CCAR2: variants seen among roughly 807,000 people sequenced by gnomAD.
CCAR2 encodes the protein cell cycle and apoptosis regulator 2.
A neutral mutation model predicts 108.1 loss-of-function variants in CCAR2; 21 were observed. The ratio of observed to expected loss-of-function variants is 0.19; its 90% confidence interval spans 0.14 to 0.28. The LOEUF (loss-of-function observed/expected upper bound fraction) is 0.28. CCAR2 is among the 10% of genes least tolerant of loss of function. The pLI, the probability that CCAR2 is intolerant of heterozygous loss-of-function variation, is 1.00. For synonymous variants in CCAR2, 577 were observed against 472.8 expected (o/e 1.22, Z -2.86); for missense variants, 1,126 against 1,177.0 (o/e 0.96, Z 0.63).
chr8:22,607,154 C>T lies in CCAR2; in HGVS notation c.358-42C>T, dbSNP rs138505183. ...CATCTTTCCAAGGTAGTGAGTGCCT[C>T]AACCATGGGGTCCCCTGAATTTCCT... On this transcript the variant is annotated intron_variant, in intron 5 of 20. Coordinates refer to ENST00000308511, the MANE Select transcript of CCAR2 (RefSeq NM_001393997.1). 1.0e-3 allele frequency: 1,688 copies of T among 1,611,504 alleles called. 15 individuals are homozygous for T. The African/African-American group carries it at 0.021, about 20-fold the overall frequency.
At chr8:22,618,584 G>A in intron 17 of CCAR2, 33 bp from the exon 18 acceptor site, 1 of 1,613,922 alleles carries the variant, frequency 6.2e-7, no homozygotes, top group Middle Eastern at 1.7e-4. Flanking sequence ...GTCGGGGACG[G>A]GGCCTTCTGA....
chr8:22,612,691 GA>G, intron 7 of CCAR2: 1 of 189,994 alleles, frequency 5.3e-6, no homozygotes, highest in Non-Finnish European at 1.1e-5. Context: ...CAGAAAAATA[GA>G]AAATTATTCG....
chr8:22,606,174 C>G lies in CCAR2; in HGVS notation c.148C>G (p.Gln50Glu). 1 of 1,613,318 alleles carries G rather than the reference C, an allele frequency of 6.2e-7. No homozygotes were observed. The highest frequency in any genetic ancestry group is 8.5e-7 in the Non-Finnish European group (1 of 1,179,226). The change falls in exon 3 of 21, where the codon CAG becomes GAG. Residue 50 changes from glutamine to glutamate, a missense_variant and splice_region_variant. Gln to Glu is a conservative substitution (Grantham distance 29). Transcript: ENST00000308511. ...ACTGTCCCAGAATGCCAGGCACCTT[C>G]AGGTAGGTTCGGCATCCCTTGTAGT... ...TELSQNARHL[Q>E]GGEKQRVFTG...
rs201812529 is a variant in CCAR2 at position 22,615,780 on chromosome 8, A to C, written c.1476A>C (p.Glu492Asp). ...AETPEATTQQ[E>D]TDTDLPEAPP... Reference sequence around the variant, plus strand: ...CTCCAGAGGCCACCACACAGCAGGAAACGGACACTGATCTCCCAGAGGCCC... The same window carrying C: ...CTCCAGAGGCCACCACACAGCAGGACACGGACACTGATCTCCCAGAGGCCC... Residue 492 changes from glutamate to aspartate, a missense_variant, in exon 13 of 21, where the codon GAA becomes GAC. Glu to Asp is a conservative substitution (Grantham distance 45). This residue lies in a region of CCAR2 where 1,013 missense variants were observed against 993.9 expected (regional missense o/e 1.02). Transcript: ENST00000308511. 31 of 1,613,854 alleles carry C rather than the reference A, an allele frequency of 1.9e-5. No homozygotes were observed. The highest frequency in any genetic ancestry group is 2.5e-5 in the Non-Finnish European group (29 of 1,180,022).
At position 22,618,352 on chromosome 8, in the gene CCAR2, A is replaced by C; in HGVS notation, c.2077A>C (p.Lys693Gln). 6 of 1,614,202 alleles carry C rather than the reference A, an allele frequency of 3.7e-6. No individual in the cohort carries two copies. Among genetic ancestry groups the C allele is most frequent in the Non-Finnish European group, 4.2e-6 (5 of 1,180,020 alleles). ...MEFSSLQDMP[K>Q]ELDPSAVLPL... ...CTCATCTTTGTTTTCTTTGCAGCCC[A>C]AGGAGCTGGATCCCTCTGCTGTGCT... Residue 693 changes from lysine to glutamine, a missense_variant, in exon 17 of 21, where the codon AAG becomes CAG. Transcript: ENST00000308511.
At position 22,615,994 on chromosome 8, in the gene CCAR2, C is replaced by T. The variant is rs7832175; in HGVS notation, c.1609-18C>T. On this transcript the variant is annotated intron_variant, in intron 13 of 20. Transcript: ENST00000308511. ...TCTTTCTTCCTGATGCTCATGGACC[C>T]TCCCACCTCCCCATCAGGTGATGGT... The T allele has an allele frequency of 7.2e-3, 11,604 of 1,613,436 alleles. 729 individuals carry two copies. The African/African-American group carries it at 0.13, about 18-fold the overall frequency.
intron 7 of CCAR2, among the ~76,000 whole-genome samples, chr8:22,611,945 CTTTT>C (rs569460220): frequency 1.1e-5 from 1 of 88,292 alleles, no homozygotes; most frequent in Non-Finnish European, 3.2e-5. Flanking sequence ...AACTGTCTCT[CTTTT>C]TTTTTTTTTT....
chr8:22,606,795 G>A, intron 4 of CCAR2, 97 bp downstream of exon 4: 1 of 1,475,110 alleles, frequency 6.8e-7, no homozygotes, highest in South Asian at 1.1e-5. Flanking sequence ...CCATTGCTTT[G>A]CTGTTTTTGT....
At position 22,605,839 on chromosome 8, in the gene CCAR2, C is replaced by T; in HGVS notation, c.58+8C>T. On this transcript the variant is annotated splice_region_variant and intron_variant, in intron 2 of 20. Coordinates refer to ENST00000308511, the MANE Select transcript of CCAR2 (RefSeq NM_001393997.1). ...GGGGACGCAACTTCTCAGGTGATCA[C>T]TGTTCTCCCTACCTGGCCTCATCCT... The T allele has an allele frequency of 1.9e-6, 3 of 1,613,360 alleles. No individual in the cohort carries two copies. The highest frequency in any genetic ancestry group is 1.1e-5 in the South Asian group (1 of 91,046).
intron 10 of CCAR2, 121 bp from the exon 11 acceptor site, chr8:22,614,717 A>C (rs2117447964): frequency 1.2e-6 from 1 of 852,776 alleles, no homozygotes; most frequent in Non-Finnish European, 1.7e-6. Flanking sequence ...TAGAGACCTC[A>C]CTGTGTGGTG....
At position 22,614,398 on chromosome 8, in the gene CCAR2, G is replaced by C. The variant is rs200482006; in HGVS notation, c.936G>C (p.Leu312=). The C allele has an allele frequency of 4.3e-6, 7 of 1,614,202 alleles. No individual in the cohort carries two copies. The highest frequency in any genetic ancestry group is 1.1e-5 in the South Asian group (1 of 91,084). The part of the protein sequence containing the change: ...SDPAYSSKVL[L]LSSPGLEELY... ...TGTCTCCTCCTGCACAGGTACTGCT[G>C]CTCTCTTCCCCGGGGTTGGAGGAAT... The change falls in exon 10 of 21, where the codon CTG becomes CTC. Residue 312 remains leucine (L), a synonymous_variant. Transcript: ENST00000308511.
At position 22,618,952 on chromosome 8, in the gene CCAR2, G is replaced by A. The variant is rs1351943619; in HGVS notation, c.2458G>A (p.Glu820Lys). The A allele has an allele frequency of 6.2e-7, 1 of 1,613,684 alleles. No individual in the cohort carries two copies. The highest frequency in any genetic ancestry group is 1.7e-5 in the Admixed American group (1 of 60,036). The change falls in exon 19 of 21, where the codon GAG becomes AAG. Residue 820 changes from glutamate to lysine, a missense_variant. Transcript: ENST00000308511. ...CGTGGGGAGCCTGCTGCAGCGCGCG[G>A]AGCAGCAGGACAGCGGCCGGCTCTA... ...INVGSLLQRA[E>K]QQDSGRLYLE...
intron 11 of CCAR2, 174 bp downstream of exon 11, chr8:22,615,175 C>A (rs1801451198): frequency 2.1e-6 from 2 of 958,540 alleles, no homozygotes; most frequent in Non-Finnish European, 3.0e-6. Context: ...CTGGCTGAGC[C>A]ACCAGGCTGC....
intron 11 of CCAR2, 196 bp downstream of exon 11, chr8:22,615,197 C>T (rs932426357): frequency 7.9e-6 from 7 of 882,308 alleles, no homozygotes; most frequent in Non-Finnish European, 1.2e-5. Flanking sequence ...CTTGAGACTC[C>T]CTGGAGTTGT....
At chr8:22,613,239 T>A (rs1801363249) in intron 8 of CCAR2, 103 bp downstream of exon 8, 1 of 1,256,914 alleles carries the variant, frequency 8.0e-7, no homozygotes, top group South Asian at 2.4e-5. Flanking sequence ...TCTTACAGCC[T>A]TTTCTTACAA....
chr8:22,611,021 C>A (rs1323425531), intron 7 of CCAR2, among the ~76,000 whole-genome samples: 1 of 151,740 alleles, frequency 6.6e-6, no homozygotes, highest in Non-Finnish European at 1.5e-5. Context: ...GCAGTACATG[C>A]TATTATATAA....
At chr8:22,605,914 A>G (rs942446799) in intron 2 of CCAR2, 83 bp downstream of exon 2, 97 of 1,422,738 alleles carry the variant, frequency 6.8e-5, no homozygotes, top group Admixed American at 2.8e-4. Flanking sequence ...GTGGAGAGCA[A>G]TTTGCTGCTG....
rs771725002 is a variant in CCAR2 at position 22,618,788 on chromosome 8, G to C, written c.2333-39G>C. On this transcript the variant is annotated intron_variant, in intron 18 of 20. Transcript: ENST00000308511. The stretch of plus-strand genomic sequence containing the variant: ...CGGGCAGGGCAGGCTGCCCTCTCTG[G>C]AGACTCCATCCTGAATTCTTTTTCA... 3.1e-6 allele frequency: 5 copies of C among 1,613,262 alleles called. No homozygotes were observed. In the East Asian group the frequency reaches 1.1e-4, roughly 36 times the overall value.
chr8:22,616,433 G>T, intron 14 of CCAR2, 185 bp downstream of exon 14: 2 of 607,508 alleles, frequency 3.3e-6, no homozygotes, highest in Non-Finnish European at 5.8e-6. Flanking sequence ...AGAGTGCAGG[G>T]AGCATGGCTG....
Sources: allele counts gnomAD v4.1 joint callset (sites outside exome capture counted in the v4.1 genomes callset), GRCh38; gene constraint gnomAD v4.1.1; regional missense constraint gnomAD v4.1.1; transcripts MANE v1.5; gene names NCBI Gene and HGNC (gene_info 2026-07-23, HGNC 2026-07-21).